Variants in SORCS2 observed in about 807,000 individuals in gnomAD.
SORCS2 encodes the protein sortilin related VPS10 domain containing receptor 2, also known as VPS10 domain-containing receptor SorCS2.
A neutral mutation model predicts 141.6 loss-of-function variants in SORCS2; 100 were observed. The ratio of observed to expected loss-of-function variants is 0.71; its 90% confidence interval spans 0.60 to 0.83. The LOEUF (loss-of-function observed/expected upper bound fraction) is 0.83, where lower values mean the gene tolerates loss of function less well. SORCS2 is among the 40% of genes least tolerant of loss of function. SORCS2 has a pLI of 0.00. For missense variants in SORCS2, 1,646 were observed against 1,560.2 expected (o/e 1.05, Z -0.93); for synonymous variants, 789 against 676.9 (o/e 1.17, Z -2.57).
chr4:7,696,502 G>A (rs1277017259), intron 11 of SORCS2, among the ~76,000 whole-genome samples: 2 of 152,170 alleles, frequency 1.3e-5, no homozygotes, highest in Non-Finnish European at 2.9e-5. Context: ...TTCCTCATCT[G>A]TAACATGAGG....
intron 3 of SORCS2, among the ~76,000 whole-genome samples, chr4:7,559,713 C>G (rs574213138): frequency 1.3e-5 from 2 of 152,244 alleles, no homozygotes; most frequent in Non-Finnish European, 2.9e-5. Context: ...CATCCCTCTC[C>G]ATGCCTCAAT....
chr4:7,523,234 A>G (rs1174903596), intron 2 of SORCS2, among the ~76,000 whole-genome samples: 2 of 152,074 alleles, frequency 1.3e-5, no homozygotes, highest in Non-Finnish European at 2.9e-5. Flanking sequence ...TAGGACCGCT[A>G]AGGAAGATGT....
chr4:7,622,647 G>A (rs1351087774), intron 3 of SORCS2, among the ~76,000 whole-genome samples: 8 of 152,126 alleles, frequency 5.3e-5, no homozygotes, highest in Admixed American at 4.6e-4. Context: ...GAGTGCTCTG[G>A]CACGGAGTCC....
chr4:7,395,856 A>G (rs1441097130), intron 1 of SORCS2, among the ~76,000 whole-genome samples: 1 of 152,176 alleles, frequency 6.6e-6, no homozygotes, highest in Non-Finnish European at 1.5e-5. Flanking sequence ...AGCTGTTTCC[A>G]GCAGGCTTAG....
chr4:7,667,593 G>A (rs1193194716), intron 8 of SORCS2, among the ~76,000 whole-genome samples: 1 of 152,090 alleles, frequency 6.6e-6, no homozygotes, highest in Non-Finnish European at 1.5e-5. Flanking sequence ...AGGGTGCCAG[G>A]GACCCCTCCC....
chr4:7,313,813 T>G (rs1054760258), intron 1 of SORCS2, among the ~76,000 whole-genome samples: 1 of 152,126 alleles, frequency 6.6e-6, no homozygotes, highest in Non-Finnish European at 1.5e-5. Flanking sequence ...CCCTGTGCTG[T>G]GAGATCAAAT....
At chr4:7,594,109 G>C (rs1246952119) in intron 3 of SORCS2, among the ~76,000 whole-genome samples, 1 of 152,168 alleles carries the variant, frequency 6.6e-6, no homozygotes, top group African/African-American at 2.4e-5. Flanking sequence ...ATGCCCCCAG[G>C]CTCTAGAGGA....
intron 3 of SORCS2, among the ~76,000 whole-genome samples, chr4:7,607,201 G>A (rs1276914703): frequency 6.6e-6 from 1 of 152,176 alleles, no homozygotes; most frequent in Non-Finnish European, 1.5e-5. Context: ...TGATCTCTCT[G>A]TCTTTCTTGT....
At chr4:7,405,413 A>G (rs952779661) in intron 2 of SORCS2, among the ~76,000 whole-genome samples, 1 of 109,520 alleles carries the variant, frequency 9.1e-6, no homozygotes, top group Non-Finnish European at 2.2e-5. Flanking sequence ...TTTGGTAGGA[A>G]TTACATTGAA....
intron 3 of SORCS2, among the ~76,000 whole-genome samples, chr4:7,536,253 G>A (rs1009731538): frequency 5.5e-4 from 84 of 152,314 alleles, no homozygotes; most frequent in African/African-American, 1.9e-3. Flanking sequence ...TCTGTAGAGT[G>A]GGGTTGCGGT....
At chr4:7,478,955 G>A (rs527333255) in intron 2 of SORCS2, among the ~76,000 whole-genome samples, 1 of 152,196 alleles carries the variant, frequency 6.6e-6, no homozygotes, top group African/African-American at 2.4e-5. Flanking sequence ...GGGCTCTCCT[G>A]ATAGCTTTGT....
chr4:7,374,196 T>TTTC lies in SORCS2; in HGVS notation c.481-22090_481-22089insCTT, dbSNP rs1364054440. ...CTTTCTTTCTTTCTTTCTTTCTTTC[T>TTTC]TTTTTGCAGAGAGACGTTCAATTGA... is the stretch of plus-strand genomic sequence containing the variant. On this transcript the variant is annotated intron_variant, in intron 1 of 26. Coordinates refer to ENST00000507866, the MANE Select transcript of SORCS2 (RefSeq NM_020777.3). Among the ~76,000 whole-genome samples the TTTC allele has an allele frequency of 2.2e-3, 324 of 145,102 alleles. 5 individuals carry two copies. Among genetic ancestry groups the TTTC allele is most frequent in the African/African-American group, 8.1e-3 (313 of 38,716 alleles).
At chr4:7,297,821 A>G (rs757451648) in intron 1 of SORCS2, among the ~76,000 whole-genome samples, 1 of 152,070 alleles carries the variant, frequency 6.6e-6, no homozygotes, top group Non-Finnish European at 1.5e-5. Context: ...CACTGCCTGG[A>G]GCCCAGGTGT....
intron 1 of SORCS2, among the ~76,000 whole-genome samples, chr4:7,323,477 A>T (rs1250112560): frequency 1.3e-5 from 2 of 152,086 alleles, no homozygotes; most frequent in Non-Finnish European, 2.9e-5. Flanking sequence ...TCCTGAGGAG[A>T]CCACGTTCAG....
chr4:7,496,459 TCCCCCGTCC>T (rs1560332423), intron 2 of SORCS2, among the ~76,000 whole-genome samples: 2 of 26,664 alleles, frequency 7.5e-5, no homozygotes, highest in African/African-American at 3.3e-4. Flanking sequence ...CCGTTCCCCG[TCCCCCGTCC>T]CCCGTCCCCC....
chr4:7,434,185 A>G (rs1727110065), intron 2 of SORCS2: 1 of 1,613,780 alleles, frequency 6.2e-7, no homozygotes, highest in Non-Finnish European at 8.5e-7. Flanking sequence ...AGCAGGGACA[A>G]AAAACTGGAA....
chr4:7,594,499 C>T (rs569729443), intron 3 of SORCS2, among the ~76,000 whole-genome samples: 1 of 152,356 alleles, frequency 6.6e-6, no homozygotes, highest in Admixed American at 6.5e-5. Context: ...CACTGTCCTG[C>T]CTGCTCCGGG....
intron 2 of SORCS2, among the ~76,000 whole-genome samples, chr4:7,490,491 C>G (rs1161878281): frequency 6.7e-6 from 1 of 148,744 alleles, no homozygotes; most frequent in African/African-American, 2.5e-5. Context: ...AGGGACCATG[C>G]TAGCACCCCA....
At chr4:7,560,292 A>G (rs945900525) in intron 3 of SORCS2, among the ~76,000 whole-genome samples, 3 of 152,100 alleles carry the variant, frequency 2.0e-5, no homozygotes, top group Non-Finnish European at 4.4e-5. Context: ...CAGAGAATAC[A>G]CTGTATTATG....
Sources: allele counts gnomAD v4.1 joint callset (sites outside exome capture counted in the v4.1 genomes callset), GRCh38; gene constraint gnomAD v4.1.1; transcripts MANE v1.5; gene names NCBI Gene and HGNC (gene_info 2026-07-23, HGNC 2026-07-21).